The following ITPRID2 variants were observed in gnomAD, a reference collection of about 807,000 sequenced individuals.
ITPRID2 encodes the protein protein ITPRID2.
ITPRID2 carries 60 observed loss-of-function variants against 124.3 expected under a neutral mutation model. The observed-to-expected ratio is 0.48, with a 90% CI of 0.39 to 0.60. ITPRID2 has a LOEUF of 0.60. ITPRID2 is among the 20% of genes least tolerant of loss of function. The pLI is 0.00. For synonymous variants in ITPRID2, 521 were observed against 542.9 expected (o/e 0.96, Z 0.56); for missense variants, 1,553 against 1,512.2 (o/e 1.03, Z -0.45).
chr2:181,923,792 A>G (rs1218636627), intron 16 of ITPRID2, among the ~76,000 whole-genome samples: 1 of 152,092 alleles, frequency 6.6e-6, no homozygotes. Context: ...CATTCAATGC[A>G]CACTTGAATC....
chr2:181,898,440 A>T (rs992019134), intron 4 of ITPRID2, among the ~76,000 whole-genome samples: 1 of 152,038 alleles, frequency 6.6e-6, no homozygotes, highest in Non-Finnish European at 1.5e-5. Context: ...CTTAAAAAAA[A>T]TTCACATTAG....
In ITPRID2 at chr2:181,901,767, C is replaced by T. The variant is rs1312856490; in HGVS notation, c.714C>T (p.Ser238=). The stretch of plus-strand genomic sequence containing the variant: ...CATTAATATTGTTTCTTTTGGTAGG[C>T]CGTTTTCGTCAAATTGAAGTGCTTA... The part of the protein sequence containing the change: ...EVENPNYALT[S]RFRQIEVLTT... The change falls in exon 8 of 18, where the codon AGC becomes AGT. Residue 238 remains serine, a splice_region_variant and synonymous_variant. Coordinates refer to ENST00000431877, the MANE Select transcript of ITPRID2 (RefSeq NM_001130445.3). 1 of 1,574,334 alleles carries T rather than the reference C, an allele frequency of 6.4e-7. No individual in the cohort carries two copies. The highest frequency in any genetic ancestry group is 1.9e-5 in the Admixed American group (1 of 53,106).
rs137921064 is a variant in ITPRID2 at position 181,915,811 on chromosome 2, G to A, written c.2171G>A (p.Arg724Lys). 4.3e-4 allele frequency: 691 copies of A among 1,614,122 alleles called. 1 individual carries two copies. The highest frequency in any genetic ancestry group is 9.7e-4 in the Admixed American group (58 of 60,016). ...AAATCAAAAGATTTGTTAAAACAAAGGTACTTATTTGCAAAAGCTGGCTAT... is the reference window on the plus strand; with the variant it reads ...AAATCAAAAGATTTGTTAAAACAAAAGTACTTATTTGCAAAAGCTGGCTAT... ...LLKSKDLLKQ[R>K]YLFAKAGYPL... The change falls in exon 11 of 18, where the codon AGG (arginine) becomes AAG (lysine). Residue 724 changes from arginine (R) to lysine (K), a missense_variant. Physicochemically the swap from Arg to Lys is conservative, Grantham distance 26. Coordinates refer to ENST00000431877, the MANE Select transcript of ITPRID2 (RefSeq NM_001130445.3).
chr2:181,926,893 A>G (rs79565206), intron 16 of ITPRID2, among the ~76,000 whole-genome samples: 8 of 152,148 alleles, frequency 5.3e-5, no homozygotes, highest in Non-Finnish European at 1.2e-4. Context: ...CTGTTTATAT[A>G]CTGTGACTAA....
chr2:181,924,605 C>T (rs1193386795), intron 16 of ITPRID2, among the ~76,000 whole-genome samples: 1 of 152,114 alleles, frequency 6.6e-6, no homozygotes. Context: ...TTTCTTACTG[C>T]GTTCATGGAT....
chr2:181,923,582 T>G (rs1694641024), intron 16 of ITPRID2, among the ~76,000 whole-genome samples: 1 of 152,208 alleles, frequency 6.6e-6, no homozygotes, highest in African/African-American at 2.4e-5. Context: ...CCATTCCTGT[T>G]TACATGTTTT....
chr2:181,923,888 T>A (rs1180073563), intron 16 of ITPRID2, among the ~76,000 whole-genome samples: 2 of 152,190 alleles, frequency 1.3e-5, no homozygotes, highest in African/African-American at 4.8e-5. Flanking sequence ...GAACATTGAT[T>A]CTTTGGCTTA....
chr2:181,902,046 G>T lies in ITPRID2; in HGVS notation c.993G>T (p.Val331=). 6.2e-7 allele frequency: 1 copy of T among 1,612,644 alleles called. No individual in the cohort carries two copies. Among genetic ancestry groups the T allele is most frequent in the Non-Finnish European group, 8.5e-7 (1 of 1,179,604 alleles). Residue 331 remains valine, a synonymous_variant, in exon 8 of 18, where the codon GTG becomes GTT. Transcript: ENST00000431877. This position sits in a 1 kb window ranked among gnomAD's most constrained non-coding sequence, Gnocchi z 4.4. The part of the protein sequence containing the change: ...AEKGKILNVS[V]IEESGNKNDQ... ...AAGGAAAGATTCTAAATGTTTCAGT[G>T]ATTGAAGAAAGTGGCAATAAAAACG...
intron 8 of ITPRID2, among the ~76,000 whole-genome samples, chr2:181,906,778 G>A (rs1160354279): frequency 1.3e-5 from 2 of 151,926 alleles, no homozygotes; most frequent in Non-Finnish European, 1.5e-5. Flanking sequence ...GATATTTATC[G>A]CAGATAATTG....
Position 181,929,644 on chromosome 2 carries a change from T to C in ITPRID2, c.*97T>C. 1.2e-6 allele frequency: 2 copies of C among 1,611,858 alleles called. No homozygotes were observed. Among genetic ancestry groups the C allele is most frequent in the Non-Finnish European group, 1.7e-6 (2 of 1,178,280 alleles). On this transcript the variant is annotated 3_prime_UTR_variant, in exon 18 of 18. Coordinates refer to ENST00000431877, the MANE Select transcript of ITPRID2 (RefSeq NM_001130445.3). ...GAGGTGTTATTTGTGCTTTAGAAGA[T>C]ACTTGCTGTTGAGCTGGGCTACTGT...
At chr2:181,925,726 A>G (rs1374362586) in intron 16 of ITPRID2, among the ~76,000 whole-genome samples, 1 of 152,040 alleles carries the variant, frequency 6.6e-6, no homozygotes, top group Non-Finnish European at 1.5e-5. Context: ...CACCCTTCCT[A>G]TTCTGATTCC....
intron 6 of ITPRID2, 50 bp downstream of exon 6, chr2:181,899,162 T>C: frequency 7.8e-7 from 1 of 1,274,760 alleles, no homozygotes; most frequent in Non-Finnish European, 1.1e-6. Flanking sequence ...ATAGATGACC[T>C]ACTCTTATCA....
At chr2:181,913,618 A>G (rs897896652) in intron 9 of ITPRID2, among the ~76,000 whole-genome samples, 70 of 152,348 alleles carry the variant, frequency 4.6e-4, no homozygotes, top group Admixed American at 2.0e-3. Context: ...AGATTCTAAT[A>G]GAAGATCTGA....
chr2:181,920,264 A>G (rs1350104255), intron 14 of ITPRID2, among the ~76,000 whole-genome samples: 1 of 152,224 alleles, frequency 6.6e-6, no homozygotes, highest in East Asian at 1.9e-4. Context: ...TGTATAGCAT[A>G]GACTAAGGAT....
chr2:181,893,391 T>C (rs984343212), intron 2 of ITPRID2: 11 of 152,246 alleles, frequency 7.2e-5, no homozygotes, highest in African/African-American at 2.7e-4. Flanking sequence ...TAAACTTTTG[T>C]TGGTGTTTGC....
In ITPRID2 at chr2:181,910,006, T is replaced by A; in HGVS notation, c.1486+35T>A. ...CCAGTATCCACTAGTTCTGAGCACA[T>A]TATCAAATATTAGTTGATTTGGAAA... On this transcript the variant is annotated intron_variant, in intron 9 of 17. Coordinates refer to ENST00000431877, the MANE Select transcript of ITPRID2 (RefSeq NM_001130445.3). The surrounding 1 kb of genome is among the most constrained non-coding windows in gnomAD (Gnocchi z 4.1). The A allele has an allele frequency of 6.7e-7, 1 of 1,498,896 alleles. No individual in the cohort carries two copies. 92.8% of individuals were successfully genotyped at this position (1,498,896 alleles called of 1,614,324 possible).
rs992623165 is a variant in ITPRID2 at position 181,910,697 on chromosome 2, C to T, written c.1486+726C>T. 3.3e-5 allele frequency: 21 copies of T among 640,794 alleles called. No individual in the cohort carries two copies. The highest frequency in any genetic ancestry group is 2.8e-4 in the African/African-American group (15 of 52,954). 39.7% of individuals were successfully genotyped at this position (640,794 alleles called of 1,614,324 possible). ...CCTGTTTTTTTTTTAAACAAAGATT[C>T]GTATGTATGTTCCTAGAATAGGAAA... On this transcript the variant is annotated intron_variant, in intron 9 of 17. Coordinates refer to ENST00000431877, the MANE Select transcript of ITPRID2 (RefSeq NM_001130445.3). The surrounding 1 kb of genome is among the most constrained non-coding windows in gnomAD (Gnocchi z 4.1).
chr2:181,916,393 A>G lies in ITPRID2; in HGVS notation c.2753A>G (p.His918Arg), dbSNP rs1425450362. The change falls in exon 11 of 18, where the codon CAT (histidine) becomes CGT (arginine). Residue 918 changes from histidine to arginine, a missense_variant. Physicochemically the swap from His to Arg is conservative, Grantham distance 29. Transcript: ENST00000431877. ...GAAATGCAGTTGCGAAGAGTATTAC[A>G]TGATATTAGAAACTCACTGCAGAAT... ...AIEMQLRRVL[H>R]DIRNSLQNLS... 2 of 1,614,154 alleles carry G rather than the reference A, an allele frequency of 1.2e-6. No individual in the cohort carries two copies. The highest frequency in any genetic ancestry group is 1.3e-5 in the African/African-American group (1 of 75,066).
chr2:181,916,839 T>C, intron 11 of ITPRID2: 1 of 1,002,602 alleles, frequency 1.0e-6, no homozygotes, highest in Non-Finnish European at 1.2e-6. Context: ...TTTTCCAAGT[T>C]TTCTCCCTGT....
Sources: allele counts gnomAD v4.1 joint callset (sites outside exome capture counted in the v4.1 genomes callset), GRCh38; gene constraint gnomAD v4.1.1; non-coding constraint Gnocchi (gnomAD v3.1); transcripts MANE v1.5; gene names NCBI Gene and HGNC (gene_info 2026-07-23, HGNC 2026-07-21).